PPP1R9A: variants seen among roughly 807,000 people sequenced by gnomAD.
PPP1R9A encodes neurabin-1.
PPP1R9A carries 59 observed loss-of-function variants against 141.9 expected under a neutral mutation model. The observed-to-expected ratio is 0.42, with a 90% CI of 0.34 to 0.52. The LOEUF (loss-of-function observed/expected upper bound fraction) is 0.52, where lower values mean the gene tolerates loss of function less well. Ranked by LOEUF, PPP1R9A falls within the 20% of genes least tolerant of loss-of-function variation. The pLI is 0.10. For synonymous variants in PPP1R9A, 500 were observed against 569.7 expected (o/e 0.88, Z 1.74); for missense variants, 1,444 against 1,611.9 (o/e 0.90, Z 1.78).
In PPP1R9A at chr7:95,290,424, G is replaced by T; in HGVS notation, c.*121G>T. On this transcript the variant is annotated 3_prime_UTR_variant, in exon 20 of 20. Transcript: ENST00000433360. ...ATAAGGGTAATGCGGCTCTAGGCCGGCTGAGGAACTGTGTGTTGAATAACT... is the reference window on the plus strand; with the variant it reads ...ATAAGGGTAATGCGGCTCTAGGCCGTCTGAGGAACTGTGTGTTGAATAACT... 1 of 1,130,008 alleles carries T rather than the reference G, an allele frequency of 8.8e-7. No individual in the cohort carries two copies. Among genetic ancestry groups the T allele is most frequent in the East Asian group, 2.6e-5 (1 of 38,494 alleles). 70.0% of individuals were successfully genotyped at this position (1,130,008 alleles called of 1,614,324 possible).
chr7:95,144,052 G>A (rs912373601), intron 4 of PPP1R9A, among the ~76,000 whole-genome samples: 1 of 152,036 alleles, frequency 6.6e-6, no homozygotes, highest in African/African-American at 2.4e-5. Flanking sequence ...TACACAATAT[G>A]TTATTGTTAA....
intron 2 of PPP1R9A, among the ~76,000 whole-genome samples, chr7:95,051,183 T>C (rs969939508): frequency 6.6e-6 from 1 of 151,416 alleles, no homozygotes; most frequent in Non-Finnish European, 1.5e-5. Context: ...TATTGATTCT[T>C]TTTTTTTTCT....
intron 4 of PPP1R9A, among the ~76,000 whole-genome samples, chr7:95,137,723 G>C (rs762248134): frequency 3.3e-5 from 5 of 152,058 alleles, no homozygotes; most frequent in Non-Finnish European, 7.4e-5. Flanking sequence ...TGACAAGATT[G>C]TTCTAAAATG....
intron 4 of PPP1R9A, among the ~76,000 whole-genome samples, chr7:95,160,716 C>T (rs116185505): frequency 0.015 from 2,234 of 152,050 alleles, 53 homozygotes; most frequent in African/African-American, 0.051. Context: ...CTATTGTTGC[C>T]GCCTTTATGT....
chr7:95,104,413 G>A (rs936514215), intron 2 of PPP1R9A, among the ~76,000 whole-genome samples: 1 of 152,168 alleles, frequency 6.6e-6, no homozygotes, highest in Non-Finnish European at 1.5e-5. Flanking sequence ...AGGCCTATGA[G>A]TCTGTTTTTT....
At chr7:95,057,821 T>C (rs753849505) in intron 2 of PPP1R9A, among the ~76,000 whole-genome samples, 2 of 152,146 alleles carry the variant, frequency 1.3e-5, no homozygotes, top group Non-Finnish European at 2.9e-5. Context: ...GAATTCATTA[T>C]ATTGAATGAA....
chr7:95,101,612 AC>A, intron 2 of PPP1R9A, among the ~76,000 whole-genome samples: 1 of 152,252 alleles, frequency 6.6e-6, no homozygotes, highest in Non-Finnish European at 1.5e-5. Context: ...ACATAGCCCC[AC>A]CCCAAGGCAA....
At chr7:95,147,983 T>G (rs1379115848) in intron 4 of PPP1R9A, among the ~76,000 whole-genome samples, 1 of 152,226 alleles carries the variant, frequency 6.6e-6, no homozygotes, top group Non-Finnish European at 1.5e-5. Context: ...GAGTCATTTT[T>G]TAGAAAATAT....
At chr7:95,113,988 G>A (rs562892691) in intron 3 of PPP1R9A, among the ~76,000 whole-genome samples, 2 of 152,260 alleles carry the variant, frequency 1.3e-5, no homozygotes, top group East Asian at 3.9e-4. Context: ...GTGAATTAAA[G>A]AGTAATGCTT....
chr7:95,056,453 T>G (rs1811514131), intron 2 of PPP1R9A, among the ~76,000 whole-genome samples: 1 of 152,174 alleles, frequency 6.6e-6, no homozygotes, highest in East Asian at 1.9e-4. Flanking sequence ...TATTTTTTCT[T>G]GTAGTACTGG....
At chr7:95,218,332 A>T (rs143082810) in intron 7 of PPP1R9A, among the ~76,000 whole-genome samples, 1 of 152,106 alleles carries the variant, frequency 6.6e-6, no homozygotes. Flanking sequence ...GGTCTGAGAG[A>T]CAGTTTGTTA....
rs117437132 is a variant in PPP1R9A at position 94,931,429 on chromosome 7, A to G, written c.1395+19921A>G. Among the ~76,000 whole-genome samples the G allele has an allele frequency of 3.8e-3, 585 of 152,318 alleles. 21 individuals are homozygous for G. The highest frequency in any genetic ancestry group is 0.031 in the East Asian group (163 of 5,184). On this transcript the variant is annotated intron_variant, in intron 2 of 19. Transcript: ENST00000433360. ...TTTCCGGAAACAGATATCATATTAT[A>G]AAAATACTACAATTAGTCATGAAAA... is the stretch of plus-strand genomic sequence containing the variant.
intron 4 of PPP1R9A, among the ~76,000 whole-genome samples, chr7:95,124,720 C>CTTTCTATTTAAGAAAATATTTCTTAAATA (rs1563272433): frequency 2.6e-5 from 4 of 152,110 alleles, no homozygotes; most frequent in Non-Finnish European, 5.9e-5. Flanking sequence ...CTTAATAACT[C>CTTTCTATTTAAGAAAATATTTCTTAAATA]TTTCTATTTA....
At chr7:94,981,018 A>T (rs1166761281) in intron 2 of PPP1R9A, among the ~76,000 whole-genome samples, 4 of 152,172 alleles carry the variant, frequency 2.6e-5, no homozygotes, top group African/African-American at 9.7e-5. Flanking sequence ...ATAATAAGCA[A>T]GTGAATAAAT....
Position 95,256,103 on chromosome 7 carries a change from CTTAG to C in PPP1R9A, c.2665+3977_2665+3980del, listed in dbSNP as rs1799544132. ...TATAAGGCATTTTATACTTTGTTCC[CTTAG>C]TTACTTACTGTTCCTTAGCTCTAAT... On this transcript the variant is annotated intron_variant, in intron 12 of 19. Transcript: ENST00000433360. 2.6e-5 allele frequency among the ~76,000 whole-genome samples: 4 copies of C among 151,638 alleles called. No individual in the cohort carries two copies. The East Asian group carries it at 5.8e-4, about 22-fold the overall frequency.
At position 95,239,831 on chromosome 7, in the gene PPP1R9A, A is replaced by G. The variant is rs539159225; in HGVS notation, c.2113-7642A>G. On this transcript the variant is annotated intron_variant, in intron 8 of 19. Coordinates refer to ENST00000433360, the MANE Select transcript of PPP1R9A (RefSeq NM_001166160.2). ...AAAAATTAAAAATTAAGAACAAAAT[A>G]TAATTTGAATTCAAATAATCATTTG... Among the ~76,000 whole-genome samples the G allele has an allele frequency of 3.9e-5, 6 of 152,064 alleles. No individual in the cohort carries two copies. The South Asian group carries it at 1.0e-3, about 26-fold the overall frequency.
At chr7:95,104,884 A>G (rs1055006902) in intron 2 of PPP1R9A, among the ~76,000 whole-genome samples, 3 of 152,222 alleles carry the variant, frequency 2.0e-5, no homozygotes, top group Admixed American at 2.0e-4. Context: ...AATCATGTGA[A>G]GGTGAGTCAG....
intron 2 of PPP1R9A, among the ~76,000 whole-genome samples, chr7:94,929,517 T>C (rs931538503): frequency 1.3e-5 from 2 of 152,126 alleles, no homozygotes; most frequent in Non-Finnish European, 2.9e-5. Context: ...TCTCAGAGTA[T>C]GATTTATTTA....
intron 5 of PPP1R9A, among the ~76,000 whole-genome samples, chr7:95,189,081 G>A (rs7807689): frequency 6.6e-6 from 1 of 152,140 alleles, no homozygotes; most frequent in African/African-American, 2.4e-5. Context: ...TGGTTTGTAA[G>A]TATTTTGTTT....
Sources: gnomAD v4.1 joint callset for allele counts (sites outside exome capture counted in the v4.1 genomes callset) on GRCh38, gnomAD v4.1.1 for gene constraint, MANE v1.5 for transcripts, NCBI Gene and HGNC (gene_info 2026-07-23, HGNC 2026-07-21) for gene names.